The following ATM variants were observed in gnomAD, a reference collection of about 807,000 sequenced individuals.
ATM encodes the protein ATM serine/threonine kinase.
ATM carries 308 observed loss-of-function variants against 387.0 expected under a neutral mutation model. That is an observed-to-expected ratio of 0.80 (90% confidence interval 0.73 to 0.87). The LOEUF (loss-of-function observed/expected upper bound fraction) is 0.87, where lower values mean the gene tolerates loss of function less well. Ranked by LOEUF, ATM falls within the 40% of genes least tolerant of loss-of-function variation. The probability of loss-of-function intolerance (pLI) is 0.00; values close to 1 mark genes in which losing one functional copy is unlikely to be tolerated. For synonymous variants in ATM, 1,156 were observed against 1,187.3 expected (o/e 0.97, Z 0.54); for missense variants, 3,312 against 3,560.9 (o/e 0.93, Z 1.78).
rs1479612629 is a variant in ATM at position 108,343,303 on chromosome 11, G to A, written c.8350G>A (p.Glu2784Lys). 6.2e-7 allele frequency: 1 copy of A among 1,614,042 alleles called. No homozygotes were observed. The highest frequency in any genetic ancestry group is 8.5e-7 in the Non-Finnish European group (1 of 1,179,938). Residue 2784 changes from glutamate to lysine, a missense_variant, in exon 57 of 63, where the codon GAA (glutamate) becomes AAA (lysine). Around this residue, in one of 4 missense-constraint regions of ATM, gnomAD observed 1,405 missense variants for 1,604.4 expected, o/e 0.88. Transcript: ENST00000675843. ...VPIGEFLVNN[E>K]DGAHKRYRPN... is the part of the protein sequence containing the mutation. ...CATTGGTGAATTTCTTGTTAACAATGAAGATGGTGCTCATAAAAGATACAG... is the reference window on the plus strand; with the variant it reads ...CATTGGTGAATTTCTTGTTAACAATAAAGATGGTGCTCATAAAAGATACAG...
At chr11:108,224,933 A>G (rs2078663192) in intron 1 of ATM, 1 of 152,214 alleles carries the variant, frequency 6.6e-6, no homozygotes, top group South Asian at 2.1e-4. Context: ...TATTGTTTGC[A>G]TCTATCAGTG....
intron 4 of ATM, 47 bp from the exon 5 acceptor site, chr11:108,235,623 T>G (rs2135119697): frequency 6.7e-7 from 1 of 1,493,582 alleles, no homozygotes. Context: ...AAGTGTCTTA[T>G]TTTTGTTCAA....
At chr11:108,358,648 C>G (rs1338995772) in intron 61 of ATM, among the ~76,000 whole-genome samples, 1 of 144,856 alleles carries the variant, frequency 6.9e-6, no homozygotes, top group African/African-American at 2.6e-5. Flanking sequence ...ATTCAACATT[C>G]TTAAAGAAAA....
At chr11:108,242,841 A>C (rs1216789819) in intron 5 of ATM, among the ~76,000 whole-genome samples, 1 of 152,220 alleles carries the variant, frequency 6.6e-6, no homozygotes, top group African/African-American at 2.4e-5. Context: ...TGGGAGAAAT[A>C]AACTGTCCTT....
At chr11:108,251,599 T>C (rs1307760184) in intron 10 of ATM, among the ~76,000 whole-genome samples, 2 of 152,228 alleles carry the variant, frequency 1.3e-5, no homozygotes, top group Non-Finnish European at 2.9e-5. Context: ...TAAATTTCTT[T>C]TATGTGCAAT....
At chr11:108,270,347 A>G (rs990477744) in intron 18 of ATM, among the ~76,000 whole-genome samples, 5 of 152,190 alleles carry the variant, frequency 3.3e-5, no homozygotes, top group African/African-American at 9.6e-5. Context: ...ATTTTGGGAG[A>G]GTGGAGACTT....
chr11:108,331,175 T>G (rs2086197654), intron 50 of ATM: 1 of 1,133,816 alleles, frequency 8.8e-7, no homozygotes. Context: ...CTTAGATTTT[T>G]TGGAATATAA....
rs1555075617 is a variant in ATM at position 108,257,475 on chromosome 11, C to G, written c.2251-6C>G. The G allele has an allele frequency of 1.2e-6, 2 of 1,612,318 alleles. No homozygotes were observed. Among genetic ancestry groups the G allele is most frequent in the Non-Finnish European group, 1.7e-6 (2 of 1,179,568 alleles). On this transcript the variant is annotated splice_region_variant and splice_polypyrimidine_tract_variant and intron_variant, in intron 14 of 62. Coordinates refer to ENST00000675843, the MANE Select transcript of ATM (RefSeq NM_000051.4). Reference sequence around the variant, plus strand: ...GAATTTGCATTTTTCCTTCTATTCACAATAGTCTCTAATGCAATGTGCAGG... The same window carrying G: ...GAATTTGCATTTTTCCTTCTATTCAGAATAGTCTCTAATGCAATGTGCAGG...
rs772608345 is a variant in ATM, at chr11:108,317,424, T to C, written c.6250T>C (p.Leu2084=). Residue 2084 remains leucine, a synonymous_variant, in exon 43 of 63, where the codon TTG becomes CTG. Coordinates refer to ENST00000675843, the MANE Select transcript of ATM (RefSeq NM_000051.4). ...TATTCTTTCCGTCTATTTAAAAGGA[T>C]TGGATTATGAAAATAAAGACTGGTG... ...CHILSVYLKG[L]DYENKDWCPE... 10 of 1,612,622 alleles carry C rather than the reference T, an allele frequency of 6.2e-6. No individual in the cohort carries two copies. Among genetic ancestry groups the C allele is most frequent in the Admixed American group, 3.3e-5 (2 of 59,902 alleles).
At chr11:108,259,428 G>A (rs55949268) in intron 16 of ATM, among the ~76,000 whole-genome samples, 1 of 152,226 alleles carries the variant, frequency 6.6e-6, no homozygotes, top group Non-Finnish European at 1.5e-5. Context: ...GGAGGTTGCA[G>A]TGAGCGAAGA....
At chr11:108,258,395 T>G (rs2080641343) in intron 15 of ATM, among the ~76,000 whole-genome samples, 1 of 152,222 alleles carries the variant, frequency 6.6e-6, no homozygotes, top group Admixed American at 6.5e-5. Context: ...TTCATTCATT[T>G]AATAAAAATT....
intron 43 of ATM, 118 bp from the exon 44 acceptor site, chr11:108,319,836 A>G: frequency 2.8e-6 from 2 of 717,074 alleles, no homozygotes; most frequent in Non-Finnish European, 4.8e-6. Context: ...CTAGAAATGC[A>G]TTTTTTAGAA....
chr11:108,295,433 TCTC>T, intron 32 of ATM: 1 of 244,002 alleles, frequency 4.1e-6, no homozygotes, highest in Non-Finnish European at 8.0e-6. Context: ...TACAAGGAAT[TCTC>T]CTGTCTCAGC....
intron 56 of ATM, among the ~76,000 whole-genome samples, chr11:108,338,491 C>CA (rs1404161580): frequency 1.3e-5 from 2 of 151,986 alleles, no homozygotes; most frequent in Admixed American, 1.3e-4. Flanking sequence ...CTCATCTCTA[C>CA]AAAAAATTAA....
At chr11:108,330,453 G>C (rs2136467632) in intron 50 of ATM, 32 bp downstream of exon 50, 1 of 1,609,212 alleles carries the variant, frequency 6.2e-7, no homozygotes, top group Non-Finnish European at 8.5e-7. Flanking sequence ...ATTCTACCCT[G>C]TGCTTGAAAA....
At chr11:108,234,475 G>A (rs2079169991) in intron 4 of ATM, among the ~76,000 whole-genome samples, 1 of 152,126 alleles carries the variant, frequency 6.6e-6, no homozygotes, top group African/African-American at 2.4e-5. Context: ...TTACCTTCAA[G>A]AATATGTGTG....
chr11:108,249,561 G>A (rs1481704663), intron 9 of ATM, among the ~76,000 whole-genome samples: 7 of 152,042 alleles, frequency 4.6e-5, no homozygotes, highest in Admixed American at 3.3e-4. Context: ...CTCATGTAAC[G>A]TTCACATATA....
intron 4 of ATM, 52 bp downstream of exon 4, chr11:108,229,375 T>G: frequency 7.6e-6 from 11 of 1,455,496 alleles, no homozygotes; most frequent in Non-Finnish European, 1.0e-5. Context: ...TACTGTCGCG[T>G]GAGTTTTTTT....
chr11:108,259,292 A>G (rs1460213977), intron 16 of ATM, among the ~76,000 whole-genome samples: 1 of 152,146 alleles, frequency 6.6e-6, no homozygotes, highest in Admixed American at 6.5e-5. Flanking sequence ...GATTGAGACC[A>G]TCCTGGCTAA....
Sources: allele counts gnomAD v4.1 joint callset (sites outside exome capture counted in the v4.1 genomes callset), GRCh38; gene constraint gnomAD v4.1.1; regional missense constraint gnomAD v4.1.1; transcripts MANE v1.5; gene names NCBI Gene and HGNC (gene_info 2026-07-23, HGNC 2026-07-21).